Variants in SNX10 observed in about 807,000 individuals in gnomAD.
SNX10 encodes sorting nexin 10, also known as sorting nexin-10.
A neutral mutation model predicts 28.5 loss-of-function variants in SNX10; 25 were observed. The observed-to-expected ratio is 0.88, with a 90% CI of 0.64 to 1.22. The LOEUF (loss-of-function observed/expected upper bound fraction) is 1.22, where lower values mean the gene tolerates loss of function less well. Among genes scored for constraint, SNX10 ranks in the 50% most tolerant of loss-of-function variants. The pLI is 0.00. For synonymous variants in SNX10, 62 were observed against 81.4 expected (o/e 0.76, Z 1.28); for missense variants, 223 against 242.6 (o/e 0.92, Z 0.54).
At chr7:26,356,072 AT>A (rs1032814226) in intron 2 of SNX10, among the ~76,000 whole-genome samples, 8 of 152,278 alleles carry the variant, frequency 5.3e-5, no homozygotes, top group East Asian at 1.9e-4. Context: ...AAGGAAAAAA[AT>A]GATAGGGTAG....
intron 1 of SNX10, among the ~76,000 whole-genome samples, chr7:26,341,249 T>C (rs940897448): frequency 2.6e-5 from 4 of 152,108 alleles, no homozygotes; most frequent in Non-Finnish European, 4.4e-5. Context: ...CAGTGAGCTA[T>C]AATTGTGCCA....
chr7:26,367,168 TG>T (rs1483009552), intron 5 of SNX10, among the ~76,000 whole-genome samples: 1 of 152,134 alleles, frequency 6.6e-6, no homozygotes, highest in Non-Finnish European at 1.5e-5. Flanking sequence ...GAAAAGGACT[TG>T]AAAAAAACTC....
At chr7:26,350,794 A>AAAG (rs1788567176) in intron 2 of SNX10, among the ~76,000 whole-genome samples, 2 of 151,814 alleles carry the variant, frequency 1.3e-5, no homozygotes, top group Non-Finnish European at 2.9e-5. Flanking sequence ...TTCTGTAAGC[A>AAAG]AAGAAAGGCA....
chr7:26,348,290 C>T (rs1043295942), intron 2 of SNX10, among the ~76,000 whole-genome samples: 7 of 152,160 alleles, frequency 4.6e-5, no homozygotes, highest in Admixed American at 2.0e-4. Context: ...GGGAAATACC[C>T]GCCCATGAAG....
At chr7:26,321,246 T>C (rs2128000375) in intron 1 of SNX10, among the ~76,000 whole-genome samples, 1 of 151,644 alleles carries the variant, frequency 6.6e-6, no homozygotes, top group East Asian at 1.9e-4. Flanking sequence ...TTGATGGGGA[T>C]GACAATTTCT....
chr7:26,335,544 A>T (rs1366381683), intron 1 of SNX10, among the ~76,000 whole-genome samples: 1 of 149,692 alleles, frequency 6.7e-6, no homozygotes, highest in Admixed American at 6.6e-5. Flanking sequence ...CATGACAGCC[A>T]GCCGCCTGTA....
chr7:26,353,459 T>TTTTG lies in SNX10; in HGVS notation c.24+6994_24+6995insTTGT, dbSNP rs1554359898. ...ATGCTTTTTTTTTTTTTTTTTTTTT[T>TTTTG]TGGTGGGGAGACAGAGTCTTGGTCT... is the stretch of plus-strand genomic sequence containing the variant. On this transcript the variant is annotated intron_variant, in intron 2 of 6. Coordinates refer to ENST00000338523, the MANE Select transcript of SNX10 (RefSeq NM_013322.3). 3.0e-3 allele frequency among the ~76,000 whole-genome samples: 174 copies of TTTTG among 58,416 alleles called. 4 individuals are homozygous for TTTTG. Among genetic ancestry groups the TTTTG allele is most frequent in the South Asian group, 7.3e-3 (10 of 1,372 alleles). The allele number at this position is 58,416 out of a possible 152,430, so 38.3% of individuals were successfully genotyped here. A position where few individuals can be genotyped will look rare whatever the true frequency, so the allele number is the denominator to read the frequency against.
chr7:26,338,017 C>G (rs1788002248), intron 1 of SNX10, among the ~76,000 whole-genome samples: 1 of 151,720 alleles, frequency 6.6e-6, no homozygotes, highest in African/African-American at 2.4e-5. Flanking sequence ...GAGTTAATTT[C>G]TCATTGTGGA....
At chr7:26,316,663 C>T (rs1300080669) in intron 1 of SNX10, among the ~76,000 whole-genome samples, 1 of 152,112 alleles carries the variant, frequency 6.6e-6, no homozygotes, top group Non-Finnish European at 1.5e-5. Context: ...GAATTAGGTT[C>T]TGTTGTTGAT....
chr7:26,324,020 G>A (rs1217219454), intron 1 of SNX10, among the ~76,000 whole-genome samples: 1 of 152,042 alleles, frequency 6.6e-6, no homozygotes, highest in African/African-American at 2.4e-5. Flanking sequence ...TTTTTGTCAC[G>A]CCCTCACTTA....
At chr7:26,329,836 T>A (rs1391483733) in intron 1 of SNX10, among the ~76,000 whole-genome samples, 1 of 152,046 alleles carries the variant, frequency 6.6e-6, no homozygotes, top group Non-Finnish European at 1.5e-5. Flanking sequence ...GAGACAAATG[T>A]TAGGTTGATC....
intron 2 of SNX10, chr7:26,360,306 G>C (rs937343935): frequency 1.3e-5 from 2 of 152,324 alleles, no homozygotes; most frequent in African/African-American, 4.8e-5. Flanking sequence ...AGGCTGGAGT[G>C]CAGTGGCACA....
At chr7:26,341,892 A>G (rs968922970) in intron 1 of SNX10, among the ~76,000 whole-genome samples, 6 of 151,714 alleles carry the variant, frequency 4.0e-5, no homozygotes, top group Admixed American at 1.3e-4. Context: ...TTTGTCAGGG[A>G]GCAATTTCTT....
chr7:26,358,806 T>TTTTTTTTTTTTTTTTTTTTTG (rs1788942970), intron 2 of SNX10, among the ~76,000 whole-genome samples: 3 of 52,622 alleles, frequency 5.7e-5, no homozygotes, highest in East Asian at 4.9e-4. Context: ...TTATCTTGTG[T>TTTTTTTTTTTTTTTTTTTTTG]TTTTTTTTTT....
At chr7:26,319,130 G>A (rs555610133) in intron 1 of SNX10, among the ~76,000 whole-genome samples, 4 of 152,334 alleles carry the variant, frequency 2.6e-5, no homozygotes, top group African/African-American at 9.6e-5. Context: ...GTGGTCATAA[G>A]AGTGGCTTGT....
chr7:26,341,927 C>CTT (rs1788190594), intron 1 of SNX10, among the ~76,000 whole-genome samples: 1 of 138,068 alleles, frequency 7.2e-6, no homozygotes, highest in Admixed American at 7.2e-5. Flanking sequence ...TCTTTCTGTC[C>CTT]TTCTCCCTTC....
chr7:26,349,371 G>A (rs370975146), intron 2 of SNX10, among the ~76,000 whole-genome samples: 24 of 151,126 alleles, frequency 1.6e-4, no homozygotes, highest in African/African-American at 5.8e-4. Context: ...CATTTTGGGG[G>A]TGAGGAATCA....
chr7:26,353,341 A>C, intron 2 of SNX10, among the ~76,000 whole-genome samples: 1 of 152,008 alleles, frequency 6.6e-6, no homozygotes, highest in East Asian at 1.9e-4. Context: ...TGTTATTTGT[A>C]AAGAATATAG....
At chr7:26,335,318 C>T (rs1787884222) in intron 1 of SNX10, among the ~76,000 whole-genome samples, 1 of 152,190 alleles carries the variant, frequency 6.6e-6, no homozygotes, top group Non-Finnish European at 1.5e-5. Flanking sequence ...ATGTCATTAT[C>T]TCTCCAGTTT....
Sources: allele counts gnomAD v4.1 joint callset (sites outside exome capture counted in the v4.1 genomes callset), GRCh38; gene constraint gnomAD v4.1.1; transcripts MANE v1.5; gene names NCBI Gene and HGNC (gene_info 2026-07-23, HGNC 2026-07-21).